SLC36A4: variants seen among roughly 807,000 people sequenced by gnomAD.
SLC36A4 encodes neutral amino acid uniporter 4.
A neutral mutation model predicts 50.5 loss-of-function variants in SLC36A4; 49 were observed. The observed-to-expected ratio is 0.97, with a 90% CI of 0.77 to 1.23. The LOEUF (loss-of-function observed/expected upper bound fraction) is 1.23. Among genes scored for constraint, SLC36A4 ranks in the 50% most tolerant of loss-of-function variants. The pLI is 0.00. For synonymous variants in SLC36A4, 207 were observed against 206.5 expected (o/e 1.00, Z -0.02); for missense variants, 611 against 608.4 (o/e 1.00, Z -0.05).
intron 6 of SLC36A4, among the ~76,000 whole-genome samples, chr11:93,176,495 T>C (rs1297240902): frequency 6.6e-6 from 1 of 151,970 alleles, no homozygotes; most frequent in Admixed American, 6.5e-5. Flanking sequence ...GTCATTATGA[T>C]GTTAGCTGGT....
At chr11:93,162,164 T>C (rs904216189) in intron 9 of SLC36A4, among the ~76,000 whole-genome samples, 1 of 152,196 alleles carries the variant, frequency 6.6e-6, no homozygotes, top group African/African-American at 2.4e-5. Context: ...TAATCCCTGT[T>C]CTACTCTTAT....
In SLC36A4 at chr11:93,168,119, G is replaced by T; in HGVS notation, c.593C>A (p.Ser198Ter). 1.2e-6 allele frequency: 2 copies of T among 1,612,226 alleles called. No individual in the cohort carries two copies. Among genetic ancestry groups the T allele is most frequent in the Non-Finnish European group, 8.5e-7 (1 of 1,178,916 alleles). Residue 198 changes from serine (S) to a stop codon, truncating the protein, a stop_gained, in exon 7 of 11, where the codon TCA becomes TAA. Transcript: ENST00000326402. LOFTEE classifies it high-confidence loss of function. Reference protein sequence around the residue: ...SKVFISNSTNSSNPCERRSVD... With the variant: ...SKVFISNSTN ...ACTTCTTCTCTCACAAGGGTTTGAT[G>T]AATTGGTACTATTTGAAATAAACAC...
chr11:93,175,360 A>G (rs1861409289), intron 6 of SLC36A4, among the ~76,000 whole-genome samples: 1 of 150,254 alleles, frequency 6.7e-6, no homozygotes, highest in Non-Finnish European at 1.5e-5. Flanking sequence ...TAGTCTTGCT[A>G]GCGGTCTATC....
intron 1 of SLC36A4, among the ~76,000 whole-genome samples, chr11:93,190,122 A>G (rs759821307): frequency 3.9e-4 from 59 of 152,216 alleles, no homozygotes; most frequent in Non-Finnish European, 1.6e-4. Context: ...AAAGTCATTA[A>G]TTTTCAATGT....
At chr11:93,161,351 T>G (rs1253595851) in intron 9 of SLC36A4, among the ~76,000 whole-genome samples, 1 of 152,252 alleles carries the variant, frequency 6.6e-6, no homozygotes, top group Non-Finnish European at 1.5e-5. Flanking sequence ...CCATATATCT[T>G]ATTTGTAATA....
chr11:93,165,396 C>A (rs933096769), intron 8 of SLC36A4, among the ~76,000 whole-genome samples: 1 of 152,082 alleles, frequency 6.6e-6, no homozygotes, highest in Non-Finnish European at 1.5e-5. Context: ...AACACTGTTT[C>A]TCAAAACAAA....
intron 1 of SLC36A4, chr11:93,193,026 C>T: frequency 2.6e-6 from 1 of 383,662 alleles, no homozygotes; most frequent in South Asian, 1.1e-4. Flanking sequence ...TAGACCCTGG[C>T]ACATAAATAA....
In SLC36A4 at chr11:93,146,807, T is replaced by C. The variant is rs533154145; in HGVS notation, c.*1730A>G. ...CAATTCTATTCTTAATAATTTTCAT[T>C]TTCCCCACTAACTGAGAGATTCTTT... On this transcript the variant is annotated 3_prime_UTR_variant, in exon 11 of 11. Coordinates refer to ENST00000326402, the MANE Select transcript of SLC36A4 (RefSeq NM_152313.4). 1 of 152,214 alleles carries C rather than the reference T, an allele frequency of 6.6e-6. No homozygotes were observed. The highest frequency in any genetic ancestry group is 2.4e-5 in the African/African-American group (1 of 41,562). The allele number at this position is 152,214 out of a possible 1,614,324, so 9.4% of individuals were successfully genotyped here.
intron 9 of SLC36A4, chr11:93,160,202 A>G: frequency 1.0e-6 from 1 of 985,428 alleles, no homozygotes; most frequent in Non-Finnish European, 1.2e-6. Flanking sequence ...TTGTCCCACA[A>G]CTGCAGAGTC....
In SLC36A4 at chr11:93,148,708, C is replaced by T; in HGVS notation, c.1344G>A (p.Trp448Ter). 6.2e-7 allele frequency: 1 copy of T among 1,612,778 alleles called. No individual in the cohort carries two copies. The highest frequency in any genetic ancestry group is 8.5e-7 in the Non-Finnish European group (1 of 1,179,296). The change falls in exon 11 of 11, where the codon TGG (tryptophan) becomes TGA (stop). Residue 448 changes from tryptophan (W) to a stop codon, truncating the protein, a stop_gained. Coordinates refer to ENST00000326402, the MANE Select transcript of SLC36A4 (RefSeq NM_152313.4). LOFTEE classifies it high-confidence loss of function. ...CTATAGAAATATTTTTCAGGACCAT[C>T]CATATATTATAATGTTCCTTCGAAA... ...LTFSKEHYNIWMVLKNISIAF... is the reference protein window; with the variant it reads ...LTFSKEHYNI
rs1305890721 is a variant in SLC36A4, at chr11:93,148,437, G to A, written c.*100C>T. ...TTAATATCGTGCCAAAGAAAACAGA[G>A]TTTGTTACCATTTTTATGTATATAG... is the stretch of plus-strand genomic sequence containing the variant. On this transcript the variant is annotated 3_prime_UTR_variant, in exon 11 of 11. Transcript: ENST00000326402. 1 of 1,043,990 alleles carries A rather than the reference G, an allele frequency of 9.6e-7. No individual in the cohort carries two copies. The highest frequency in any genetic ancestry group is 1.4e-6 in the Non-Finnish European group (1 of 698,720). 64.7% of individuals were successfully genotyped at this position (1,043,990 alleles called of 1,614,324 possible).
chr11:93,181,747 GC>G lies in SLC36A4; in HGVS notation c.398del (p.Ser133ThrfsTer6). 2 of 1,550,172 alleles carry G rather than the reference GC, an allele frequency of 1.3e-6. No individual in the cohort carries two copies. Among genetic ancestry groups the G allele is most frequent in the Non-Finnish European group, 1.8e-6 (2 of 1,142,186 alleles). ...KSTLGYSDTVSFAMEVSPWSC... is the reference protein window; with the variant it reads ...KSTLGYSDTVXFAMEVSPWSC... ...TCCAAGGACTCACTTCCATAGCAAA[GC>G]TCACAGTGTCACTATAACCTAATGT... is the stretch of plus-strand genomic sequence containing the variant. On this transcript the variant is annotated frameshift_variant, in exon 5 of 11. Coordinates refer to ENST00000326402, the MANE Select transcript of SLC36A4 (RefSeq NM_152313.4). LOFTEE classifies it high-confidence loss of function.
At chr11:93,180,279 G>A (rs1861678496) in intron 6 of SLC36A4, 1 of 984,956 alleles carries the variant, frequency 1.0e-6, no homozygotes, top group African/African-American at 1.7e-5. Flanking sequence ...TTCCAAGACT[G>A]CAAACCACTT....
At chr11:93,187,639 A>G (rs1046755614) in intron 1 of SLC36A4, among the ~76,000 whole-genome samples, 1 of 152,176 alleles carries the variant, frequency 6.6e-6, no homozygotes, top group Non-Finnish European at 1.5e-5. Context: ...CCTATTTCTA[A>G]GTATTTCATA....
Position 93,154,289 on chromosome 11 carries a change from A to T in SLC36A4, c.1038-12T>A. On this transcript the variant is annotated splice_polypyrimidine_tract_variant and intron_variant, in intron 9 of 10. Coordinates refer to ENST00000326402, the MANE Select transcript of SLC36A4 (RefSeq NM_152313.4). ...CTGATTGATATAACCTGTTGAAAAA[A>T]ATTTTCAAAATTTAGTCATTTTTAA... 1 of 1,315,820 alleles carries T rather than the reference A, an allele frequency of 7.6e-7. No homozygotes were observed. The highest frequency in any genetic ancestry group is 2.4e-5 in the South Asian group (1 of 42,376). 81.5% of individuals were successfully genotyped at this position (1,315,820 alleles called of 1,614,324 possible).
At chr11:93,177,452 C>G (rs1861531077) in intron 6 of SLC36A4, among the ~76,000 whole-genome samples, 2 of 152,220 alleles carry the variant, frequency 1.3e-5, no homozygotes, top group Admixed American at 1.3e-4. Flanking sequence ...CTTCTTCTCT[C>G]AACTCGTCAA....
At chr11:93,154,863 C>A (rs907824519) in intron 9 of SLC36A4, 1 of 152,070 alleles carries the variant, frequency 6.6e-6, no homozygotes, top group Non-Finnish European at 1.5e-5. Flanking sequence ...CATACAGTTG[C>A]TGGGTAAGGT....
rs978007632 is a variant in SLC36A4 at position 93,197,963 on chromosome 11, G to A, written c.-131C>T. The A allele has an allele frequency of 2.1e-6, 2 of 964,894 alleles. No individual in the cohort carries two copies. The highest frequency in any genetic ancestry group is 2.8e-6 in the Non-Finnish European group (2 of 707,456). The allele number at this position is 964,894 out of a possible 1,614,324, so 59.8% of individuals were successfully genotyped here. On this transcript the variant is annotated 5_prime_UTR_variant, in exon 1 of 11. Coordinates refer to ENST00000326402, the MANE Select transcript of SLC36A4 (RefSeq NM_152313.4). ...CTGGTGCCCGCCTCCCTGCCCCGGCGCTCCCCAACCGCGCGGCGAGGAGCA... is the reference window on the plus strand; with the variant it reads ...CTGGTGCCCGCCTCCCTGCCCCGGCACTCCCCAACCGCGCGGCGAGGAGCA...
chr11:93,176,798 G>C (rs571105486), intron 6 of SLC36A4, among the ~76,000 whole-genome samples: 1 of 152,274 alleles, frequency 6.6e-6, no homozygotes, highest in Non-Finnish European at 1.5e-5. Flanking sequence ...CTGGCTTGTG[G>C]AGTTTCTGCC....
Sources: allele counts gnomAD v4.1 joint callset (sites outside exome capture counted in the v4.1 genomes callset), GRCh38; gene constraint gnomAD v4.1.1; transcripts MANE v1.5; gene names NCBI Gene and HGNC (gene_info 2026-07-23, HGNC 2026-07-21).